MBNL3: variants seen among roughly 807,000 people sequenced by gnomAD.
MBNL3 encodes the protein muscleblind-like protein 3.
Under a neutral mutation model 24.5 loss-of-function variants are expected in MBNL3, and 6 were observed. The observed-to-expected ratio is 0.25, with a 90% CI of 0.13 to 0.48. The LOEUF is 0.48. Among genes scored for constraint, MBNL3 ranks in the 20% least tolerant of loss-of-function variants. The pLI, the probability that MBNL3 is intolerant of heterozygous loss-of-function variation, is 0.99. For synonymous variants in MBNL3, 100 were observed against 101.7 expected, an observed-to-expected ratio of 0.98 and a Z score of 0.10; for missense variants, 230 against 293.5, an observed-to-expected ratio of 0.78 and a Z score of 1.58.
At chrX:132,434,323 T>C (rs965279247) in intron 2 of MBNL3, among the ~76,000 whole-genome samples, 5 of 112,525 alleles carry the variant, frequency 4.4e-5, no homozygotes, top group Middle Eastern at 4.6e-3. Context: ...TCTTTCTTAA[T>C]TGACTATAAT....
chrX:132,481,284 G>GA (rs1947720727), intron 1 of MBNL3, among the ~76,000 whole-genome samples: 2 of 112,191 alleles, frequency 1.8e-5, no homozygotes, highest in Non-Finnish European at 3.8e-5. Context: ...GCTTGAAAGT[G>GA]AAAAATGTAA....
At chrX:132,458,401 A>G (rs771452500) in intron 1 of MBNL3, among the ~76,000 whole-genome samples, 12 of 110,278 alleles carry the variant, frequency 1.1e-4, no homozygotes, top group Admixed American at 1.9e-4. Flanking sequence ...TTCTGTTGCT[A>G]TAAAGGAATA....
chrX:132,486,991 T>G (rs1948043910), intron 1 of MBNL3, among the ~76,000 whole-genome samples: 1 of 111,494 alleles, frequency 9.0e-6, no homozygotes, highest in Admixed American at 9.5e-5. Context: ...AAACATTTTT[T>G]TTTTACAAAC....
At chrX:132,459,378 A>G (rs1946523607) in intron 1 of MBNL3, among the ~76,000 whole-genome samples, 1 of 111,258 alleles carries the variant, frequency 9.0e-6, no homozygotes, top group Admixed American at 9.6e-5. Context: ...AAAGAAGAGT[A>G]CAACATAAAT....
chrX:132,443,657 A>G (rs1569452896), intron 1 of MBNL3, among the ~76,000 whole-genome samples: 1 of 111,446 alleles, frequency 9.0e-6, no homozygotes, highest in Non-Finnish European at 1.9e-5. Context: ...GAATTTATGA[A>G]GAGCTGGAAG....
intron 1 of MBNL3, among the ~76,000 whole-genome samples, chrX:132,449,356 C>T (rs1945920461): frequency 9.2e-6 from 1 of 108,980 alleles, no homozygotes; most frequent in African/African-American, 3.4e-5. Context: ...ATAGTTAGCT[C>T]TTCTTGTTGC....
chrX:132,401,610 CA>C (rs536128391), intron 3 of MBNL3, among the ~76,000 whole-genome samples: 1,764 of 82,600 alleles, frequency 0.021, 34 homozygotes, highest in African/African-American at 0.058. Flanking sequence ...TACCGTGTCT[CA>C]AAAAAAAAAA....
chrX:132,390,399 AG>A (rs1329590966), intron 5 of MBNL3, among the ~76,000 whole-genome samples: 2 of 109,501 alleles, frequency 1.8e-5, no homozygotes, highest in Non-Finnish European at 3.8e-5. Context: ...CTTAACCTTT[AG>A]GAAATTACAA....
chrX:132,417,047 C>T (rs1423182999), intron 2 of MBNL3, among the ~76,000 whole-genome samples: 1 of 111,644 alleles, frequency 9.0e-6, no homozygotes, highest in African/African-American at 3.2e-5. Context: ...TTCAGATATG[C>T]GAACACAATT....
At chrX:132,379,818 T>C in intron 8 of MBNL3, 141 bp from the exon 9 acceptor site, 1 of 467,832 alleles carries the variant, frequency 2.1e-6, no homozygotes, top group East Asian at 3.8e-5. Context: ...GAATTTCAGA[T>C]TGAAATGGGG....
intron 2 of MBNL3, among the ~76,000 whole-genome samples, chrX:132,419,789 A>T (rs1011928736): frequency 3.6e-5 from 4 of 112,245 alleles, no homozygotes; most frequent in Admixed American, 1.9e-4. Context: ...TTGGCAATTT[A>T]TTTTTGGTTA....
At chrX:132,489,265 G>A (rs894556312), upstream of MBNL3, among the ~76,000 whole-genome samples, 1 of 112,117 alleles carries the variant, frequency 8.9e-6, no homozygotes, top group Non-Finnish European at 1.9e-5. Context: ...GGTTCCAGGG[G>A]CCAGAATACT....
Position 132,372,061 on chromosome X carries a change from A to G in MBNL3, c.*7605T>C, listed in dbSNP as rs1006537135. The G allele has an allele frequency of 9.0e-6, 1 of 111,265 alleles. No individual in the cohort carries two copies. The highest frequency in any genetic ancestry group is 1.9e-5 in the Non-Finnish European group (1 of 52,924). 9.2% of individuals were successfully genotyped at this position (111,265 alleles called of 1,213,427 possible). On this transcript the variant is annotated 3_prime_UTR_variant, in exon 9 of 9. Transcript: ENST00000370853. ...ATAAACATAGAAGTAGCATACTAAAATGAGCTGCATAATGTGCACTTTTAA... is the reference window on the plus strand; with the variant it reads ...ATAAACATAGAAGTAGCATACTAAAGTGAGCTGCATAATGTGCACTTTTAA...
intron 1 of MBNL3, among the ~76,000 whole-genome samples, chrX:132,444,002 C>T (rs1272990023): frequency 2.8e-5 from 1 of 35,281 alleles, no homozygotes; most frequent in Non-Finnish European, 6.8e-5. Flanking sequence ...CCCCCCCCCC[C>T]CCCACCTACT....
chrX:132,383,863 C>T (rs1018586095), intron 7 of MBNL3, among the ~76,000 whole-genome samples: 8 of 111,696 alleles, frequency 7.2e-5, no homozygotes, highest in Admixed American at 2.8e-4. Flanking sequence ...TGATGTGAGA[C>T]GGTAGAGTGG....
At chrX:132,399,509 A>G (rs1335702833) in intron 3 of MBNL3, among the ~76,000 whole-genome samples, 1 of 110,921 alleles carries the variant, frequency 9.0e-6, no homozygotes, top group Non-Finnish European at 1.9e-5. Flanking sequence ...GTAATTTTTT[A>G]TACACTTTGT....
Position 132,379,529 on chromosome X carries a change from G to A in MBNL3, c.*137C>T, listed in dbSNP as rs748275538. ...ATTTTTTATTTGAATTTGCTGGCTG[G>A]CAGGTTTGCTTTGCTTAATACATTG... On this transcript the variant is annotated 3_prime_UTR_variant, in exon 9 of 9. Coordinates refer to ENST00000370853, the MANE Select transcript of MBNL3 (RefSeq NM_001386889.1). 6 of 548,822 alleles carry A rather than the reference G, an allele frequency of 1.1e-5. No individual in the cohort carries two copies. The African/African-American group carries it at 1.2e-4, about 11-fold the overall frequency. The allele number at this position is 548,822 out of a possible 1,213,427, so 45.2% of individuals were successfully genotyped here.
chrX:132,488,205 G>C (rs902934217), intron 1 of MBNL3, among the ~76,000 whole-genome samples: 1 of 108,036 alleles, frequency 9.3e-6, no homozygotes, highest in Non-Finnish European at 1.9e-5. Context: ...CTATCATCTA[G>C]CTAGCTAGCT....
chrX:132,390,943 C>T lies in MBNL3; in HGVS notation c.675G>A (p.Ser225=), dbSNP rs1449802594. The T allele has an allele frequency of 5.8e-6, 7 of 1,209,225 alleles. No homozygotes were observed. Among genetic ancestry groups the T allele is most frequent in the Admixed American group, 2.2e-5 (1 of 45,639 alleles). ...GATGAAAGTACTTGCATTTCTCCCGCGAGCATCGACCTTTGATGTAATCCA... is the reference window on the plus strand; with the variant it reads ...GATGAAAGTACTTGCATTTCTCCCGTGAGCATCGACCTTTGATGTAATCCA... ...ICMDYIKGRC[S]REKCKYFHPP... The change falls in exon 5 of 9, where the codon TCG becomes TCA. Residue 225 remains serine (S), a synonymous_variant. Coordinates refer to ENST00000370853, the MANE Select transcript of MBNL3 (RefSeq NM_001386889.1).
Sources: gnomAD v4.1 joint callset for allele counts (sites outside exome capture counted in the v4.1 genomes callset) on GRCh38, gnomAD v4.1.1 for gene constraint, MANE v1.5 for transcripts, NCBI Gene and HGNC (gene_info 2026-07-23, HGNC 2026-07-21) for gene names.